GRM5: variants seen among roughly 807,000 people sequenced by gnomAD.
GRM5 encodes the protein metabotropic glutamate receptor 5.
GRM5 carries 19 observed loss-of-function variants against 83.1 expected under a neutral mutation model. That is an observed-to-expected ratio of 0.23 (90% CI 0.16 to 0.34). GRM5 has a LOEUF of 0.34. GRM5 is among the 10% of genes least tolerant of loss of function. GRM5 has a pLI of 1.00. For synonymous variants in GRM5, 675 were observed against 633.6 expected (o/e 1.07, Z -0.98); for missense variants, 1,160 against 1,588.3 (o/e 0.73, Z 4.58).
At chr11:88,634,671 T>C (rs1357060845) in intron 4 of GRM5, among the ~76,000 whole-genome samples, 1 of 152,220 alleles carries the variant, frequency 6.6e-6, no homozygotes, top group Non-Finnish European at 1.5e-5. Context: ...TGCCTGAGGA[T>C]GTTTTACAGT....
chr11:88,660,984 C>T (rs761682438), intron 3 of GRM5, among the ~76,000 whole-genome samples: 4 of 152,144 alleles, frequency 2.6e-5, no homozygotes, highest in Admixed American at 2.6e-4. Context: ...TTGCTTTATT[C>T]ACTGAACAAG....
chr11:88,525,388 G>T lies in GRM5; in HGVS notation c.2647C>A (p.Leu883Met). 1 of 1,608,072 alleles carries T rather than the reference G, an allele frequency of 6.2e-7. No individual in the cohort carries two copies. Among genetic ancestry groups the T allele is most frequent in the Admixed American group, 1.7e-5 (1 of 59,962 alleles). ...GETLRYKDRR[L>M]AQHKSEIECF... ...TCTATTTCCGACTTGTGCTGGGCCA[G>T]TCTCCTGTCTTTGTACCTGGTGAGC... The change falls in exon 9 of 10, where the codon CTG becomes ATG. Residue 883 changes from leucine (L) to methionine (M), a missense_variant. Physicochemically the swap from Leu to Met is conservative, Grantham distance 15. Coordinates refer to ENST00000305447, the MANE Select transcript of GRM5 (RefSeq NM_001143831.3).
chr11:88,785,762 T>C (rs1266780558), intron 3 of GRM5, among the ~76,000 whole-genome samples: 4 of 152,174 alleles, frequency 2.6e-5, no homozygotes, highest in Middle Eastern at 3.4e-3. Context: ...TTAAAGAAGT[T>C]AAGAAAGAGT....
At chr11:89,009,921 A>AC (rs1565333903) in intron 2 of GRM5, among the ~76,000 whole-genome samples, 25 of 141,254 alleles carry the variant, frequency 1.8e-4, no homozygotes, top group Middle Eastern at 3.6e-3. Flanking sequence ...AAAAAAAAAA[A>AC]AAAAAAAAAC....
chr11:88,810,376 T>C (rs1226987453), intron 3 of GRM5, among the ~76,000 whole-genome samples: 2 of 152,094 alleles, frequency 1.3e-5, no homozygotes, highest in African/African-American at 2.4e-5. Context: ...AAATAAAACA[T>C]GGGAATGAGT....
intron 2 of GRM5, among the ~76,000 whole-genome samples, chr11:88,966,166 C>A (rs1938954030): frequency 6.6e-6 from 1 of 151,818 alleles, no homozygotes; most frequent in African/African-American, 2.4e-5. Context: ...AAAGAAGTCT[C>A]AAGGTAAAAA....
At chr11:88,696,949 T>A (rs1307794677) in intron 3 of GRM5, among the ~76,000 whole-genome samples, 1 of 152,196 alleles carries the variant, frequency 6.6e-6, no homozygotes, top group African/African-American at 2.4e-5. Context: ...TATCTCTGTG[T>A]ATGTGATTTT....
intron 3 of GRM5, among the ~76,000 whole-genome samples, chr11:88,765,935 C>T (rs1408190418): frequency 2.6e-5 from 4 of 151,570 alleles, no homozygotes; most frequent in Admixed American, 6.6e-5. Context: ...ATGTTTGCAA[C>T]TTATATATAT....
At chr11:88,615,509 C>A (rs1310861468) in intron 4 of GRM5, among the ~76,000 whole-genome samples, 1 of 152,128 alleles carries the variant, frequency 6.6e-6, no homozygotes, top group South Asian at 2.1e-4. Flanking sequence ...GAAGGAAGCA[C>A]ATGGCTGACC....
chr11:88,935,947 T>C (rs1188976059), intron 2 of GRM5, among the ~76,000 whole-genome samples: 1 of 151,964 alleles, frequency 6.6e-6, no homozygotes, highest in African/African-American at 2.4e-5. Context: ...CCTAGTCCCT[T>C]TGACAACATT....
intron 2 of GRM5, among the ~76,000 whole-genome samples, chr11:88,947,170 C>A (rs2135673665): frequency 6.6e-6 from 1 of 152,230 alleles, no homozygotes; most frequent in East Asian, 1.9e-4. Context: ...TTCCCTTTTA[C>A]TGTATCACTT....
intron 3 of GRM5, among the ~76,000 whole-genome samples, chr11:88,724,014 C>A (rs1941612416): frequency 1.3e-5 from 2 of 151,912 alleles, no homozygotes. Context: ...CTGAGAATGC[C>A]CTTTTAAAAA....
At chr11:88,715,711 A>G (rs544537688) in intron 3 of GRM5, among the ~76,000 whole-genome samples, 7 of 152,128 alleles carry the variant, frequency 4.6e-5, no homozygotes, top group African/African-American at 1.7e-4. Context: ...TGTGCCAACT[A>G]TGTTTTCCTG....
chr11:88,729,684 A>G (rs1296901642), intron 3 of GRM5, among the ~76,000 whole-genome samples: 1 of 152,134 alleles, frequency 6.6e-6, no homozygotes, highest in Non-Finnish European at 1.5e-5. Flanking sequence ...AGATAAATAG[A>G]CCAATGGAAC....
At chr11:88,615,477 C>G (rs989450957) in intron 4 of GRM5, among the ~76,000 whole-genome samples, 1 of 152,098 alleles carries the variant, frequency 6.6e-6, no homozygotes, top group African/African-American at 2.4e-5. Context: ...CACCTACTTT[C>G]CAGCCTTCTT....
intron 3 of GRM5, among the ~76,000 whole-genome samples, chr11:88,694,392 G>A (rs751047457): frequency 2.0e-5 from 3 of 152,040 alleles, no homozygotes; most frequent in Non-Finnish European, 2.9e-5. Flanking sequence ...GCATAGGCAG[G>A]TACAATGAAT....
chr11:88,943,918 G>T (rs1938192882), intron 2 of GRM5, among the ~76,000 whole-genome samples: 1 of 151,974 alleles, frequency 6.6e-6, no homozygotes, highest in Admixed American at 6.6e-5. Context: ...TTGGCCCTCA[G>T]TTTTGTTTCT....
intron 3 of GRM5, among the ~76,000 whole-genome samples, chr11:88,767,903 C>A (rs906095804): frequency 6.6e-6 from 1 of 151,794 alleles, no homozygotes; most frequent in Non-Finnish European, 1.5e-5. Flanking sequence ...ACCTTACACC[C>A]AATAGGATAG....
At chr11:88,950,626 A>G (rs1259800818) in intron 2 of GRM5, among the ~76,000 whole-genome samples, 1 of 152,202 alleles carries the variant, frequency 6.6e-6, no homozygotes, top group East Asian at 1.9e-4. Flanking sequence ...TGGCAAAAAG[A>G]AGTGCAAGAC....
Sources: gnomAD v4.1 joint callset for allele counts (sites outside exome capture counted in the v4.1 genomes callset) on GRCh38, gnomAD v4.1.1 for gene constraint, MANE v1.5 for transcripts, NCBI Gene and HGNC (gene_info 2026-07-23, HGNC 2026-07-21) for gene names.